ARMC2: variants seen among roughly 807,000 people sequenced by gnomAD.
ARMC2 encodes armadillo repeat containing 2.
In ARMC2, 67 loss-of-function variants were observed where a neutral mutation model predicts 90.3. That is an observed-to-expected ratio of 0.74 (90% CI 0.61 to 0.91). ARMC2 has a LOEUF of 0.91. Ranked by LOEUF, ARMC2 falls within the 40% of genes least tolerant of loss-of-function variation. ARMC2 has a pLI of 0.00. For missense variants in ARMC2, 920 were observed against 1,030.9 expected (o/e 0.89, Z 1.47); for synonymous variants, 393 against 393.0 (o/e 1.00, Z 0.00).
chr6:108,886,687 A>G (rs1323233881), intron 5 of ARMC2, among the ~76,000 whole-genome samples: 1 of 152,102 alleles, frequency 6.6e-6, no homozygotes, highest in East Asian at 1.9e-4. Flanking sequence ...TGGTTTATAC[A>G]CTTTTTTAAA....
intron 5 of ARMC2, among the ~76,000 whole-genome samples, chr6:108,887,081 T>A (rs1770438215): frequency 2.0e-5 from 3 of 152,008 alleles, no homozygotes; most frequent in South Asian, 4.2e-4. Context: ...CTAATTTTTG[T>A]ATTTTTAGTA....
the ARMC2 span, among the ~76,000 whole-genome samples, chr6:109,052,211 C>T: frequency 3.9e-5 from 6 of 152,140 alleles, no homozygotes; most frequent in Non-Finnish European, 5.9e-5. Context: ...TAAAACAGTG[C>T]CTGGCACTTT....
At chr6:109,008,968 G>A in the ARMC2 span, 1 of 1,003,128 alleles carries the variant, frequency 1.0e-6, no homozygotes, top group South Asian at 4.6e-5. Flanking sequence ...AATCGAGGGG[G>A]CATATCCACA....
chr6:108,880,122 C>A (rs1777375457), intron 5 of ARMC2: 2 of 365,150 alleles, frequency 5.5e-6, no homozygotes, highest in African/African-American at 2.1e-5. Context: ...AATGAAACAA[C>A]AACAAAAAAA....
At chr6:108,999,601 G>C in the ARMC2 span, among the ~76,000 whole-genome samples, 1 of 152,128 alleles carries the variant, frequency 6.6e-6, no homozygotes, top group Non-Finnish European at 1.5e-5. Flanking sequence ...TTATCAGAAT[G>C]GCTGAAATCC....
chr6:108,870,375 G>A (rs1025892306), intron 4 of ARMC2, among the ~76,000 whole-genome samples: 5 of 152,112 alleles, frequency 3.3e-5, no homozygotes, highest in African/African-American at 1.2e-4. Context: ...GGAGCTGAGT[G>A]GTACCTCCAT....
At chr6:109,043,411 C>T in the ARMC2 span, among the ~76,000 whole-genome samples, 14 of 151,898 alleles carry the variant, frequency 9.2e-5, no homozygotes, top group Non-Finnish European at 1.5e-4. Flanking sequence ...AAACAACAAA[C>T]GGAATAAATA....
At chr6:109,046,783 T>C in the ARMC2 span, among the ~76,000 whole-genome samples, 1 of 137,382 alleles carries the variant, frequency 7.3e-6, no homozygotes. Context: ...AGACCCCGTC[T>C]GGGAGGTGAG....
At chr6:108,985,520 C>A in the ARMC2 span, among the ~76,000 whole-genome samples, 2 of 152,186 alleles carry the variant, frequency 1.3e-5, no homozygotes, top group Non-Finnish European at 2.9e-5. Flanking sequence ...AAATGGAAGG[C>A]ATTGAAACAT....
chr6:108,982,812 CTTTTTTTTTTT>C, the ARMC2 span, among the ~76,000 whole-genome samples: 1 of 127,232 alleles, frequency 7.9e-6, no homozygotes, highest in African/African-American at 2.9e-5. Context: ...TTGGACTTTT[CTTTTTTTTTTT>C]TTTTTTGGAG....
the ARMC2 span, among the ~76,000 whole-genome samples, chr6:109,004,422 G>A: frequency 8.3e-3 from 1,256 of 150,458 alleles, 8 homozygotes; most frequent in Non-Finnish European, 0.014. Flanking sequence ...AAATCAATAC[G>A]AAAATCCCCA....
the ARMC2 span, among the ~76,000 whole-genome samples, chr6:109,035,154 C>T: frequency 6.6e-5 from 10 of 152,042 alleles, no homozygotes; most frequent in African/African-American, 2.4e-4. Context: ...GTCTTTTACC[C>T]CCAACCACTC....
chr6:108,966,364 T>C (rs1163686860), intron 17 of ARMC2, among the ~76,000 whole-genome samples: 1 of 152,060 alleles, frequency 6.6e-6, no homozygotes, highest in East Asian at 1.9e-4. Flanking sequence ...ATGAGGATAA[T>C]TAATGTCCAG....
At position 108,876,345 on chromosome 6, in the gene ARMC2, T is replaced by A. The variant is rs1562340992; in HGVS notation, c.666T>A (p.Asn222Lys). ...CATCTTTACCATCTCATCTCAAGAA[T>A]GGAGGGTCAGTATTCTTTTTATTTA... ...GTTSLPSHLK[N>K]GGDQGKRHAR... The change falls in exon 5 of 18, where the codon AAT becomes AAA. Residue 222 changes from asparagine to lysine, a missense_variant. By Grantham distance (94) the Asn-to-Lys change is moderately conservative. Coordinates refer to ENST00000392644, the MANE Select transcript of ARMC2 (RefSeq NM_032131.6). 6.2e-7 allele frequency: 1 copy of A among 1,610,256 alleles called. No homozygotes were observed. Among genetic ancestry groups the A allele is most frequent in the Admixed American group, 1.7e-5 (1 of 59,458 alleles).
At chr6:108,900,467 A>G (rs937084139) in intron 7 of ARMC2, among the ~76,000 whole-genome samples, 6 of 152,226 alleles carry the variant, frequency 3.9e-5, no homozygotes, top group African/African-American at 1.2e-4. Context: ...AGCAGTGGTC[A>G]TAGCCCTAGG....
chr6:108,897,065 A>G (rs1771680989), intron 6 of ARMC2, among the ~76,000 whole-genome samples: 1 of 152,202 alleles, frequency 6.6e-6, no homozygotes, highest in Admixed American at 6.5e-5. Context: ...ATCCATATCC[A>G]TAAATTATCA....
chr6:109,039,973 T>C, the ARMC2 span, among the ~76,000 whole-genome samples: 1 of 152,172 alleles, frequency 6.6e-6, no homozygotes, highest in Non-Finnish European at 1.5e-5. Context: ...CAAATGTGTA[T>C]GTACCAACAG....
chr6:108,990,893 T>C, the ARMC2 span: 1 of 1,420,262 alleles, frequency 7.0e-7, no homozygotes. Context: ...GTTCTATATC[T>C]ATAGCTCTGT....
At chr6:109,000,519 G>A in the ARMC2 span, 1 of 1,600,462 alleles carries the variant, frequency 6.2e-7, no homozygotes, top group Non-Finnish European at 8.5e-7. Context: ...AATAAGCCAA[G>A]GTCTATGGGC....
Sources: gnomAD v4.1 joint callset for allele counts (sites outside exome capture counted in the v4.1 genomes callset) on GRCh38, gnomAD v4.1.1 for gene constraint, MANE v1.5 for transcripts, NCBI Gene and HGNC (gene_info 2026-07-23, HGNC 2026-07-21) for gene names.